Variants in DRG1 observed in about 807,000 individuals in gnomAD.
The protein encoded by DRG1 is developmentally regulated GTP binding protein 1.
DRG1 carries 19 observed loss-of-function variants against 38.8 expected under a neutral mutation model. The observed-to-expected ratio is 0.49, with a 90% CI of 0.34 to 0.72. DRG1 has a LOEUF of 0.72. DRG1 is among the 30% of genes least tolerant of loss of function. DRG1 has a pLI of 0.01. For synonymous variants in DRG1, 167 were observed against 157.5 expected (o/e 1.06, Z -0.45); for missense variants, 299 against 444.8 (o/e 0.67, Z 2.95).
In DRG1 at chr22:31,416,253, C is replaced by T. The variant is rs554093569; in HGVS notation, c.413-4003C>T. Among the ~76,000 whole-genome samples the T allele has an allele frequency of 1.1e-4, 16 of 152,050 alleles. No individual in the cohort carries two copies. In the South Asian group the frequency reaches 1.5e-3, roughly 14 times the overall value. ...GATGACACCACTGCATTCCAGCCTG[C>T]GTGACAGAGTGAGACTCTGTCTCAA... On this transcript the variant is annotated intron_variant, in intron 4 of 8. Transcript: ENST00000331457.
intron 4 of DRG1, among the ~76,000 whole-genome samples, chr22:31,418,002 A>G (rs2050053935): frequency 6.7e-6 from 1 of 149,908 alleles, no homozygotes; most frequent in African/African-American, 2.5e-5. Flanking sequence ...AAAAAAAAAA[A>G]GTCTACCACT....
intron 3 of DRG1, among the ~76,000 whole-genome samples, chr22:31,408,241 C>A (rs1317371995): frequency 4.0e-5 from 5 of 123,710 alleles, no homozygotes; most frequent in African/African-American, 6.1e-5. Flanking sequence ...TGGGTTCAAG[C>A]AATTCTCCTG....
chr22:31,404,839 G>T (rs2049980975), intron 3 of DRG1, among the ~76,000 whole-genome samples: 1 of 151,942 alleles, frequency 6.6e-6, no homozygotes, highest in South Asian at 2.1e-4. Context: ...TGCCAGGCTG[G>T]TTTTGAACTC....
At chr22:31,422,595 T>C (rs2050083063) in intron 5 of DRG1, among the ~76,000 whole-genome samples, 1 of 152,196 alleles carries the variant, frequency 6.6e-6, no homozygotes, top group South Asian at 2.1e-4. Context: ...AATTGAGGAC[T>C]GAGAGTTTCC....
Position 31,432,238 on chromosome 22 carries a change from G to T in DRG1, c.1005-1634G>T, listed in dbSNP as rs561141497. Among the ~76,000 whole-genome samples, 3 of 151,720 alleles carry T rather than the reference G, an allele frequency of 2.0e-5. No homozygotes were observed. In the East Asian group the frequency reaches 5.8e-4, roughly 29 times the overall value. On this transcript the variant is annotated intron_variant, in intron 8 of 8. Coordinates refer to ENST00000331457, the MANE Select transcript of DRG1 (RefSeq NM_004147.4). ...ACTACAGGTGCAAACCACCATGCCT[G>T]GCTAATTTTTTCTATTTTTCTAGAG...
At chr22:31,409,437 C>G (rs1408179451) in intron 3 of DRG1, among the ~76,000 whole-genome samples, 3 of 152,036 alleles carry the variant, frequency 2.0e-5, no homozygotes. Context: ...ACTTGTAAAG[C>G]CTTTTGAAGT....
intron 2 of DRG1, among the ~76,000 whole-genome samples, chr22:31,401,549 A>G (rs2049960830): frequency 6.9e-6 from 1 of 145,118 alleles, no homozygotes; most frequent in Non-Finnish European, 1.5e-5. Flanking sequence ...GTACCACTGC[A>G]CTCCAGCCTG....
intron 5 of DRG1, among the ~76,000 whole-genome samples, chr22:31,421,823 A>G (rs2050078559): frequency 2.0e-5 from 3 of 152,130 alleles, no homozygotes; most frequent in Admixed American, 2.0e-4. Context: ...GTATAGATAG[A>G]AAAGAAAAGA....
chr22:31,420,499 C>T, intron 5 of DRG1, 74 bp downstream of exon 5: 2 of 1,555,430 alleles, frequency 1.3e-6, no homozygotes, highest in Non-Finnish European at 1.7e-6. Context: ...TGCATGGACC[C>T]TGACATTGGA....
chr22:31,434,067 G>C lies in DRG1; in HGVS notation c.*96G>C. ...TTCTTTCTGGTTTTGGCAGTCACTG[G>C]ATCAGGATCCAGGGGAGGGAGATGG... On this transcript the variant is annotated 3_prime_UTR_variant, in exon 9 of 9. Coordinates refer to ENST00000331457, the MANE Select transcript of DRG1 (RefSeq NM_004147.4). The C allele has an allele frequency of 8.2e-7, 1 of 1,214,508 alleles. No homozygotes were observed. The highest frequency in any genetic ancestry group is 1.2e-6 in the Non-Finnish European group (1 of 848,166). 75.2% of individuals were successfully genotyped at this position (1,214,508 alleles called of 1,614,324 possible). A position where few individuals can be genotyped will look rare whatever the true frequency, so the allele number is the denominator to read the frequency against.
intron 8 of DRG1, among the ~76,000 whole-genome samples, chr22:31,429,493 CTTCT>C (rs1189426102): frequency 6.6e-6 from 1 of 152,042 alleles, no homozygotes; most frequent in Non-Finnish European, 1.5e-5. Flanking sequence ...AGAGCTACCA[CTTCT>C]TTATTTAACT....
At chr22:31,420,611 T>TA (rs1287947090) in intron 5 of DRG1, among the ~76,000 whole-genome samples, 186 bp downstream of exon 5, 1 of 152,228 alleles carries the variant, frequency 6.6e-6, no homozygotes, top group Non-Finnish European at 1.5e-5. Context: ...GTCTCAGACT[T>TA]ACCTTTGCTA....
intron 3 of DRG1, among the ~76,000 whole-genome samples, chr22:31,407,436 A>C (rs1352900288): frequency 6.6e-6 from 1 of 152,052 alleles, no homozygotes; most frequent in Non-Finnish European, 1.5e-5. Flanking sequence ...CCTGGGTTCA[A>C]GTGATCCTCC....
chr22:31,408,089 G>A lies in DRG1; in HGVS notation c.343-2923G>A, dbSNP rs182671988. Among the ~76,000 whole-genome samples the A allele has an allele frequency of 1.8e-4, 26 of 143,570 alleles. No individual in the cohort carries two copies. The East Asian group carries it at 4.0e-3, about 22-fold the overall frequency. The allele number at this position is 143,570 out of a possible 152,430, so 94.2% of individuals were successfully genotyped here. ...TGCAGTGAGCCGAGATCACACCACC[G>A]CACTCCAGCCTGGGTGATGGAGCGA... On this transcript the variant is annotated intron_variant, in intron 3 of 8. Coordinates refer to ENST00000331457, the MANE Select transcript of DRG1 (RefSeq NM_004147.4).
chr22:31,421,107 A>G (rs1204154219), intron 5 of DRG1, among the ~76,000 whole-genome samples: 1 of 151,908 alleles, frequency 6.6e-6, no homozygotes, highest in Admixed American at 6.6e-5. Flanking sequence ...TTTAGTAGAG[A>G]CGGGGTTTCA....
chr22:31,428,994 G>A (rs948182581), intron 8 of DRG1, among the ~76,000 whole-genome samples: 3 of 152,010 alleles, frequency 2.0e-5, no homozygotes, highest in Non-Finnish European at 4.4e-5. Context: ...GGTGTAGGGT[G>A]GGTTTCTCTG....
chr22:31,405,354 G>T (rs1291120935), intron 3 of DRG1, among the ~76,000 whole-genome samples: 3 of 151,932 alleles, frequency 2.0e-5, no homozygotes, highest in African/African-American at 7.3e-5. Context: ...TTTCAGTAGA[G>T]ACTGGGTTTC....
chr22:31,408,874 A>C (rs1446120417), intron 3 of DRG1, among the ~76,000 whole-genome samples: 1 of 149,956 alleles, frequency 6.7e-6, no homozygotes, highest in Non-Finnish European at 1.5e-5. Context: ...GTATTTTTAG[A>C]TTTTATATTT....
rs1310660289 is a variant in DRG1 at position 31,426,676 on chromosome 22, G to C, written c.775G>C (p.Asp259His). Residue 259 changes from aspartate (D) to histidine (H), a missense_variant, in exon 7 of 9, where the codon GAT (aspartate) becomes CAT (histidine). By Grantham distance (81) the Asp-to-His change is moderately conservative (BLOSUM62 -1). Around this residue, in one of 3 missense-constraint regions of DRG1, gnomAD observed 198 missense variants for 268.1 expected, o/e 0.74. Transcript: ENST00000331457. ...TGACCAAATCTCCATTGAGGAATTGGATATCATCTATAAGGTGCCTCACTG... is the reference window on the plus strand; with the variant it reads ...TGACCAAATCTCCATTGAGGAATTGCATATCATCTATAAGGTGCCTCACTG... Reference protein sequence around the residue: ...KIDQISIEELDIIYKVPHCVP... With the variant: ...KIDQISIEELHIIYKVPHCVP... 1.2e-6 allele frequency: 2 copies of C among 1,613,856 alleles called. No individual in the cohort carries two copies. The highest frequency in any genetic ancestry group is 2.7e-5 in the African/African-American group (2 of 74,882).
Sources: allele counts gnomAD v4.1 joint callset (sites outside exome capture counted in the v4.1 genomes callset), GRCh38; gene constraint gnomAD v4.1.1; regional missense constraint gnomAD v4.1.1; transcripts MANE v1.5; gene names NCBI Gene and HGNC (gene_info 2026-07-23, HGNC 2026-07-21).